KLF13: variants seen among roughly 807,000 people sequenced by gnomAD.
The protein encoded by KLF13 is Krueppel-like factor 13.
A neutral mutation model predicts 16.7 loss-of-function variants in KLF13; 8 were observed. That is an observed-to-expected ratio of 0.48 (90% CI 0.28 to 0.87). The LOEUF is 0.87. KLF13 is among the 40% of genes least tolerant of loss of function. The pLI, the probability that KLF13 is intolerant of heterozygous loss-of-function variation, is 0.10. For synonymous variants in KLF13, 245 were observed against 208.4 expected (o/e 1.18, Z -1.51); for missense variants, 447 against 452.2 (o/e 0.99, Z 0.10).
chr15:31,423,096 T>A (rs568597265), intron 1 of KLF13, among the ~76,000 whole-genome samples: 1 of 140,344 alleles, frequency 7.1e-6, no homozygotes, highest in African/African-American at 2.7e-5. Flanking sequence ...TATACGTATA[T>A]ATACGTATAC....
chr15:31,372,027 T>C lies in KLF13; in HGVS notation c.595T>C (p.Cys199Arg). The C allele has an allele frequency of 1.2e-6, 2 of 1,607,798 alleles. No individual in the cohort carries two copies. Among genetic ancestry groups the C allele is most frequent in the Admixed American group, 1.7e-5 (1 of 59,320 alleles). Residue 199 changes from cysteine to arginine, a missense_variant, in exon 2 of 2, where the codon TGC (cysteine) becomes CGC (arginine). Physicochemically the swap from Cys to Arg is radical, Grantham distance 180 (BLOSUM62 -3). Transcript: ENST00000307145. The part of the protein sequence containing the change: ...RTHTGERPFA[C>R]SWQDCNKKFA... ...GCCCACAGGTGAGAGGCCCTTCGCCTGCAGCTGGCAGGACTGCAACAAGAA... is the reference window on the plus strand; with the variant it reads ...GCCCACAGGTGAGAGGCCCTTCGCCCGCAGCTGGCAGGACTGCAACAAGAA...
At chr15:31,358,249 G>A (rs2140954043) in intron 1 of KLF13, among the ~76,000 whole-genome samples, 1 of 152,338 alleles carries the variant, frequency 6.6e-6, no homozygotes, top group South Asian at 2.1e-4. Flanking sequence ...GCAGTGGAAG[G>A]AGGGGGTCCA....
intron 1 of KLF13, among the ~76,000 whole-genome samples, chr15:31,349,618 C>T (rs1313888682): frequency 6.6e-6 from 1 of 152,218 alleles, no homozygotes; most frequent in Non-Finnish European, 1.5e-5. Context: ...GTGCTGTGTT[C>T]TTAGTGCCTA....
chr15:31,375,138 C>A lies in KLF13; in HGVS notation c.*2839C>A, dbSNP rs1258560131. 2 of 152,400 alleles carry A rather than the reference C, an allele frequency of 1.3e-5. No individual in the cohort carries two copies. Among genetic ancestry groups the A allele is most frequent in the Non-Finnish European group, 2.9e-5 (2 of 68,032 alleles). 9.4% of individuals were successfully genotyped at this position (152,400 alleles called of 1,614,324 possible). On this transcript the variant is annotated 3_prime_UTR_variant, in exon 2 of 2. Coordinates refer to ENST00000307145, the MANE Select transcript of KLF13 (RefSeq NM_015995.4). ...TCCTCCTGGGTACTCCTGGCCAGACCCTCCTGAATCATCTGCGGCTTAAAC... is the reference window on the plus strand; with the variant it reads ...TCCTCCTGGGTACTCCTGGCCAGACACTCCTGAATCATCTGCGGCTTAAAC...
At chr15:31,432,476 T>A (rs1254994743) in intron 1 of KLF13, among the ~76,000 whole-genome samples, 6 of 148,524 alleles carry the variant, frequency 4.0e-5, no homozygotes, top group Non-Finnish European at 8.9e-5. Context: ...TAAAATAAGG[T>A]CTTACTCCGT....
At chr15:31,383,920 TAAATA>T (rs140235839) in intron 1 of KLF13, among the ~76,000 whole-genome samples, 45,955 of 151,154 alleles carry the variant, frequency 0.3, 7,903 homozygotes, top group African/African-American at 0.47. Flanking sequence ...AATAAATAAA[TAAATA>T]AAATAAAATA....
At position 31,327,418 on chromosome 15, in the gene KLF13, C is replaced by T. The variant is rs999988233; in HGVS notation, c.206C>T (p.Ala69Val). 1 of 1,262,446 alleles carries T rather than the reference C, an allele frequency of 7.9e-7. No homozygotes were observed. The highest frequency in any genetic ancestry group is 1.0e-6 in the Non-Finnish European group (1 of 1,001,858). 78.2% of individuals were successfully genotyped at this position (1,262,446 alleles called of 1,614,324 possible). The change falls in exon 1 of 2, where the codon GCG becomes GTG. Residue 69 changes from alanine to valine, a missense_variant. Coordinates refer to ENST00000307145, the MANE Select transcript of KLF13 (RefSeq NM_015995.4). Reference protein sequence around the residue: ...ASLFVVARILADLNQQAPAPA... With the variant: ...ASLFVVARILVDLNQQAPAPA... ...CTCTTCGTGGTGGCGCGGATCCTAG[C>T]GGACCTCAACCAGCAAGCGCCGGCG...
downstream of KLF13, among the ~76,000 whole-genome samples, chr15:31,408,646 C>T (rs1308870623): frequency 3.3e-5 from 5 of 152,156 alleles, no homozygotes; most frequent in African/African-American, 1.2e-4. Context: ...AATTATTTAC[C>T]TCTGTCACTA....
At position 31,373,855 on chromosome 15, in the gene KLF13, GGTGTGTGCGCGCGTGAGCACACACGC is replaced by G. The variant is rs753215879; in HGVS notation, c.*1563_*1588del. On this transcript the variant is annotated 3_prime_UTR_variant, in exon 2 of 2. Transcript: ENST00000307145. ...AGGACAGAGTGTGTGCGTGCGTGTG[GGTGTGTGCGCGCGTGAGCACACACGC>G]GTGTGTTGGGGGGGGTGGGGGGATT... 1.1e-4 allele frequency: 17 copies of G among 151,218 alleles called. No individual in the cohort carries two copies. Among genetic ancestry groups the G allele is most frequent in the African/African-American group, 2.4e-4 (10 of 41,088 alleles). The allele number at this position is 151,218 out of a possible 1,614,324, so 9.4% of individuals were successfully genotyped here. A position where few individuals can be genotyped will look rare whatever the true frequency, so the allele number is the denominator to read the frequency against.
intron 1 of KLF13, among the ~76,000 whole-genome samples, chr15:31,357,694 A>C (rs2140953593): frequency 6.6e-6 from 1 of 152,194 alleles, no homozygotes; most frequent in East Asian, 1.9e-4. Context: ...CCTCCCAGAA[A>C]GTCAGCCTCT....
At chr15:31,362,283 C>T (rs1274551767) in intron 1 of KLF13, among the ~76,000 whole-genome samples, 1 of 152,200 alleles carries the variant, frequency 6.6e-6, no homozygotes, top group Non-Finnish European at 1.5e-5. Flanking sequence ...CAGGGAGGGC[C>T]CTTCTCCAAT....
chr15:31,413,203 C>CAAAAAAAAAAAAAAAA (rs1341640127), intron 1 of KLF13, among the ~76,000 whole-genome samples: 10 of 130,264 alleles, frequency 7.7e-5, no homozygotes, highest in Non-Finnish European at 1.3e-4. Flanking sequence ...AAAAAAAAAA[C>CAAAAAAAAAAAAAAAA]AAAAAACAAA....
intron 1 of KLF13, among the ~76,000 whole-genome samples, chr15:31,370,367 T>C (rs780349351): frequency 9.2e-5 from 14 of 152,148 alleles, no homozygotes; most frequent in East Asian, 3.8e-4. Context: ...CCAGCTTTTA[T>C]ATGAAAGTTT....
intron 1 of KLF13, among the ~76,000 whole-genome samples, chr15:31,413,196 A>C (rs74010626): frequency 0.011 from 1,675 of 146,840 alleles, 63 homozygotes; most frequent in African/African-American, 0.039. Context: ...ACAAAAAAAA[A>C]AAAAAACAAA....
At chr15:31,429,224 AATG>A (rs1566851440) in intron 1 of KLF13, among the ~76,000 whole-genome samples, 1 of 131,584 alleles carries the variant, frequency 7.6e-6, no homozygotes, top group Non-Finnish European at 1.5e-5. Flanking sequence ...GGTGGAAAAA[AATG>A]ATAGACTTAA....
rs527829782 is a variant in KLF13, at chr15:31,433,206, T to C, written n.118-2164T>C. The stretch of plus-strand genomic sequence containing the variant: ...CCAGGGCTGAGTTTAGGCTACCCAC[T>C]GAGTACTGTGCCCAATGGCCAGTGA... On this transcript the variant is annotated intron_variant and non_coding_transcript_variant, in intron 1 of 1. Coordinates refer to the KLF13 transcript ENST00000558225. Among the ~76,000 whole-genome samples the C allele has an allele frequency of 5.3e-5, 8 of 152,302 alleles. 1 individual carries two copies. The highest frequency in any genetic ancestry group is 1.9e-4 in the African/African-American group (8 of 41,548).
chr15:31,408,311 A>G (rs182443684), downstream of KLF13, among the ~76,000 whole-genome samples: 1 of 152,168 alleles, frequency 6.6e-6, no homozygotes, highest in African/African-American at 2.4e-5. Flanking sequence ...GACCGAGGAG[A>G]CTCTTGAGAA....
At chr15:31,397,874 C>CGGG (rs139315375) in intron 2 of KLF13, among the ~76,000 whole-genome samples, 44 of 90,462 alleles carry the variant, frequency 4.9e-4, no homozygotes, top group South Asian at 3.1e-3. Context: ...GGGGTGGCGG[C>CGGG]GGGGGGGGTG....
intron 1 of KLF13, among the ~76,000 whole-genome samples, chr15:31,362,809 T>C (rs1335195180): frequency 6.6e-6 from 1 of 152,224 alleles, no homozygotes; most frequent in Admixed American, 6.5e-5. Flanking sequence ...AGATCCTTGC[T>C]GGTCATCTCT....
Sources: allele counts gnomAD v4.1 joint callset (sites outside exome capture counted in the v4.1 genomes callset), GRCh38; gene constraint gnomAD v4.1.1; transcripts MANE v1.5; gene names NCBI Gene and HGNC (gene_info 2026-07-23, HGNC 2026-07-21).